Variants in CYP27A1 observed in about 807,000 individuals in gnomAD.
CYP27A1 encodes the protein sterol 26-hydroxylase, mitochondrial.
CYP27A1 carries 46 observed loss-of-function variants against 58.2 expected under a neutral mutation model. That is an observed-to-expected ratio of 0.79 (90% CI 0.62 to 1.01). CYP27A1 has a LOEUF of 1.01. Ranked by LOEUF, CYP27A1 falls within the 50% of genes least tolerant of loss-of-function variation. The probability of loss-of-function intolerance (pLI) is 0.00; values close to 1 mark genes in which losing one functional copy is unlikely to be tolerated. For synonymous variants in CYP27A1, 274 were observed against 285.1 expected (o/e 0.96, Z 0.39); for missense variants, 704 against 687.0 (o/e 1.02, Z -0.28).
chr2:218,805,002 T>C (rs1443483326), intron 1 of CYP27A1, among the ~76,000 whole-genome samples: 4 of 152,216 alleles, frequency 2.6e-5, no homozygotes, highest in Admixed American at 2.6e-4. Context: ...TCTCCTATTA[T>C]GAAGACACTA....
At chr2:218,814,853 C>A (rs1326520681) in intron 8 of CYP27A1, 58 bp from the exon 9 acceptor site, 1 of 1,613,862 alleles carries the variant, frequency 6.2e-7, no homozygotes, top group Non-Finnish European at 8.5e-7. Flanking sequence ...GTGTGCAGAG[C>A]GGGGAGTGGA....
chr2:218,802,740 T>A (rs12990478), intron 1 of CYP27A1, among the ~76,000 whole-genome samples: 77,153 of 150,188 alleles, frequency 0.51, 20,651 homozygotes, highest in African/African-American at 0.61. Flanking sequence ...TCTCTCTTTT[T>A]AAGCCATTCT....
intron 1 of CYP27A1, among the ~76,000 whole-genome samples, chr2:218,783,055 G>C (rs936922525): frequency 2.0e-5 from 3 of 152,146 alleles, no homozygotes; most frequent in Non-Finnish European, 4.4e-5. Context: ...TCAGGAGTTT[G>C]AGACCAGCCT....
At chr2:218,789,890 T>C (rs1943474978) in intron 1 of CYP27A1, among the ~76,000 whole-genome samples, 1 of 152,120 alleles carries the variant, frequency 6.6e-6, no homozygotes, top group Non-Finnish European at 1.5e-5. Flanking sequence ...AAGGTTAGAG[T>C]AGAGGGTACC....
intron 1 of CYP27A1, among the ~76,000 whole-genome samples, chr2:218,787,137 A>G (rs1943448387): frequency 6.6e-6 from 1 of 151,982 alleles, no homozygotes; most frequent in African/African-American, 2.4e-5. Flanking sequence ...TGGCTTAGAG[A>G]TTGGGCTGTG....
At position 218,814,681 on chromosome 2, in the gene CYP27A1, T is replaced by C. The variant is rs1943768666; in HGVS notation, c.1400T>C (p.Val467Ala). The change falls in exon 8 of 9, where the codon GTG (valine) becomes GCG (alanine). Residue 467 changes from valine to alanine, a missense_variant. By Grantham distance (64) the Val-to-Ala change is moderately conservative (BLOSUM62 0). Coordinates refer to ENST00000258415, the MANE Select transcript of CYP27A1 (RefSeq NM_000784.4). Reference sequence around the variant, plus strand: ...AGGATCCAGCACCCATTTGGCTCTGTGCCCTTTGGCTATGGGGTCCGGGCC... The same window carrying C: ...AGGATCCAGCACCCATTTGGCTCTGCGCCCTTTGGCTATGGGGTCCGGGCC... ...TPRIQHPFGS[V>A]PFGYGVRACL... 6.2e-7 allele frequency: 1 copy of C among 1,614,064 alleles called. No individual in the cohort carries two copies. The highest frequency in any genetic ancestry group is 1.3e-5 in the African/African-American group (1 of 74,930).
chr2:218,810,963 C>T (rs1317172080), intron 2 of CYP27A1, among the ~76,000 whole-genome samples: 3 of 152,064 alleles, frequency 2.0e-5, no homozygotes, highest in South Asian at 2.1e-4. Context: ...CTGGCTAACA[C>T]GGTGAAACCC....
At chr2:218,811,502 A>C (rs1300812287) in intron 2 of CYP27A1, among the ~76,000 whole-genome samples, 1 of 152,210 alleles carries the variant, frequency 6.6e-6, no homozygotes, top group Non-Finnish European at 1.5e-5. Flanking sequence ...TATGGAAAGT[A>C]TGTTTCCACC....
intron 1 of CYP27A1, among the ~76,000 whole-genome samples, chr2:218,806,787 T>G (rs1012264140): frequency 1.3e-5 from 2 of 152,156 alleles, no homozygotes; most frequent in African/African-American, 4.8e-5. Context: ...ATATTAAACC[T>G]ACCCCAAACA....
At chr2:218,811,552 C>A (rs1943715774) in intron 2 of CYP27A1, among the ~76,000 whole-genome samples, 2 of 152,056 alleles carry the variant, frequency 1.3e-5, no homozygotes, top group South Asian at 4.1e-4. Flanking sequence ...GAGGCCTGAC[C>A]ACCTACCTTG....
rs191313794 is a variant in CYP27A1 at position 218,812,425 on chromosome 2, C to T, written c.646+4C>T. On this transcript the variant is annotated splice_donor_region_variant and intron_variant, in intron 3 of 8. Coordinates refer to ENST00000258415, the MANE Select transcript of CYP27A1 (RefSeq NM_000784.4). ...TTCTACTACTTTGCCTTGGAAGGTA[C>T]CCTTGCTGGGAGAGGGGCTGGGGAA... 1.8e-4 allele frequency: 298 copies of T among 1,614,092 alleles called. 3 individuals carry two copies. The African/African-American group carries it at 3.4e-3, about 18-fold the overall frequency.
chr2:218,814,424 A>G lies in CYP27A1; in HGVS notation c.1229A>G (p.Glu410Gly), dbSNP rs137951333. 6.2e-7 allele frequency: 1 copy of G among 1,614,218 alleles called. No individual in the cohort carries two copies. The highest frequency in any genetic ancestry group is 1.3e-5 in the African/African-American group (1 of 75,052). Residue 410 changes from glutamate (E) to glycine (G), a missense_variant, in exon 7 of 9, where the codon GAA becomes GGA. By Grantham distance (98) the Glu-to-Gly change is moderately conservative (BLOSUM62 -2). Coordinates refer to ENST00000258415, the MANE Select transcript of CYP27A1 (RefSeq NM_000784.4). ...ACAAACTCCCGGATCATAGAAAAGG[A>G]AATTGAAGTTGATGGCTTCCTCTTC... ...VPTNSRIIEK[E>G]IEVDGFLFPK...
intron 1 of CYP27A1, among the ~76,000 whole-genome samples, chr2:218,807,892 G>A (rs1943668006): frequency 6.6e-6 from 1 of 152,006 alleles, no homozygotes; most frequent in East Asian, 1.9e-4. Flanking sequence ...TTATAGGGGT[G>A]AGTCACCATG....
chr2:218,782,319 C>A lies in CYP27A1; in HGVS notation c.137C>A (p.Ala46Asp). The A allele has an allele frequency of 6.2e-7, 1 of 1,612,200 alleles. No individual in the cohort carries two copies. The highest frequency in any genetic ancestry group is 1.1e-5 in the South Asian group (1 of 90,816). Residue 46 changes from alanine to aspartate, a missense_variant, in exon 1 of 9, where the codon GCC becomes GAC. Ala to Asp is a moderately radical substitution (Grantham distance 126, BLOSUM62 -2). Transcript: ENST00000258415. The surrounding 1 kb of genome is among the most constrained non-coding windows in gnomAD (Gnocchi z 4.1). ...GACAAGGCCACCGGAGCTCCCGGAG[C>A]CGGGCCTGGTGTCCGGCGGCGGCAA... ...PSDKATGAPG[A>D]GPGVRRRQRS... is the part of the protein sequence containing the mutation.
chr2:218,782,333 C>G lies in CYP27A1; in HGVS notation c.151C>G (p.Arg51Gly), dbSNP rs570721628. 1 of 1,613,402 alleles carries G rather than the reference C, an allele frequency of 6.2e-7. No homozygotes were observed. Among genetic ancestry groups the G allele is most frequent in the Non-Finnish European group, 8.5e-7 (1 of 1,179,654 alleles). Residue 51 changes from arginine to glycine, a missense_variant, in exon 1 of 9, where the codon CGG (arginine) becomes GGG (glycine). Transcript: ENST00000258415. This position sits in a 1 kb window ranked among gnomAD's most constrained non-coding sequence, Gnocchi z 4.1. ...TGAPGAGPGV[R>G]RRQRSLEEIP... ...AGCTCCCGGAGCCGGGCCTGGTGTC[C>G]GGCGGCGGCAACGGAGCTTAGAGGA...
chr2:218,783,343 A>G (rs751048219), intron 1 of CYP27A1, among the ~76,000 whole-genome samples: 2 of 152,110 alleles, frequency 1.3e-5, no homozygotes, highest in Non-Finnish European at 2.9e-5. Flanking sequence ...GGAGAAAACC[A>G]ATGTCTAATA....
intron 1 of CYP27A1, among the ~76,000 whole-genome samples, chr2:218,809,143 T>TCATTGA (rs1943682372): frequency 1.3e-5 from 2 of 152,058 alleles, no homozygotes; most frequent in Admixed American, 6.5e-5. Flanking sequence ...ATTCATCATT[T>TCATTGA]CATTGACAGC....
chr2:218,795,690 CA>C (rs1943541511), intron 1 of CYP27A1, among the ~76,000 whole-genome samples: 3 of 152,262 alleles, frequency 2.0e-5, no homozygotes, highest in Middle Eastern at 6.8e-3. Flanking sequence ...AAAATGTAGG[CA>C]AAAACTTAAG....
chr2:218,794,803 C>G (rs1943530696), intron 1 of CYP27A1, among the ~76,000 whole-genome samples: 1 of 152,078 alleles, frequency 6.6e-6, no homozygotes, highest in Admixed American at 6.6e-5. Context: ...CAAAGGGGTC[C>G]TAGGGGTTCA....
Sources: gnomAD v4.1 joint callset for allele counts (sites outside exome capture counted in the v4.1 genomes callset) on GRCh38, gnomAD v4.1.1 for gene constraint, Gnocchi (gnomAD v3.1) non-coding constraint, MANE v1.5 for transcripts, NCBI Gene and HGNC (gene_info 2026-07-23, HGNC 2026-07-21) for gene names.